PCDH15: variants seen among roughly 807,000 people sequenced by gnomAD.
PCDH15 encodes protocadherin-15.
A neutral mutation model predicts 178.5 loss-of-function variants in PCDH15; 129 were observed. The ratio of observed to expected loss-of-function variants is 0.72; its 90% CI spans 0.63 to 0.84. PCDH15 has a LOEUF of 0.84. Ranked by LOEUF, PCDH15 falls within the 40% of genes least tolerant of loss-of-function variation. The pLI is 0.00. For missense variants in PCDH15, 2,230 were observed against 2,099.9 expected, an observed-to-expected ratio of 1.06 and a Z score of -1.21; for synonymous variants, 800 against 732.0, an observed-to-expected ratio of 1.09 and a Z score of -1.50.
intron 2 of PCDH15, among the ~76,000 whole-genome samples, chr10:55,621,123 CCTA>C (rs1339911003): frequency 6.6e-6 from 1 of 151,848 alleles, no homozygotes; most frequent in Non-Finnish European, 1.5e-5. Context: ...TTTTTACTCT[CCTA>C]AGCATATTGG....
At chr10:54,774,910 GA>G (rs148462979) in intron 1 of PCDH15, among the ~76,000 whole-genome samples, 11,741 of 151,612 alleles carry the variant, frequency 0.077, 504 homozygotes, top group South Asian at 0.14. Flanking sequence ...TAATAAAGAA[GA>G]AAAAAAAGTG....
intron 23 of PCDH15, among the ~76,000 whole-genome samples, chr10:53,948,772 TAATG>T (rs2086778434): frequency 1.3e-5 from 2 of 152,212 alleles, no homozygotes; most frequent in Non-Finnish European, 2.9e-5. Context: ...TTCTCTGTGA[TAATG>T]AACAAAGTTT....
chr10:54,074,443 A>G (rs949817085), intron 17 of PCDH15, among the ~76,000 whole-genome samples: 1 of 152,154 alleles, frequency 6.6e-6, no homozygotes, highest in African/African-American at 2.4e-5. Flanking sequence ...AATCATATGG[A>G]ATTTAACATT....
chr10:54,183,530 C>A lies in PCDH15; in HGVS notation c.1504G>T (p.Ala502Ser). The stretch of plus-strand genomic sequence containing the variant: ...GGGAAGGTTGGCGTGTTATCATTTG[C>A]ATCCATCACTTGAATATTGACGATG... ...PVIVNIQVMDANDNTPTFPEI... is the reference protein window; with the variant it reads ...PVIVNIQVMDSNDNTPTFPEI... Residue 502 changes from alanine to serine, a missense_variant, in exon 13 of 38, where the codon GCA becomes TCA. Transcript: ENST00000644397. 1 of 1,613,942 alleles carries A rather than the reference C, an allele frequency of 6.2e-7. No individual in the cohort carries two copies. The highest frequency in any genetic ancestry group is 1.1e-5 in the South Asian group (1 of 91,082).
chr10:54,428,588 G>A lies in PCDH15; in HGVS notation c.158-49646C>T, dbSNP rs73251860. On this transcript the variant is annotated intron_variant, in intron 3 of 37. Transcript: ENST00000644397. ...CTCTTCCGTGCTTCCTTACAAGTGC[G>A]TCCCAGAAAACAAGTATTCATCTCA... Among the ~76,000 whole-genome samples the A allele has an allele frequency of 8.1e-3, 1,234 of 152,182 alleles. 17 individuals are homozygous for A. Among genetic ancestry groups the A allele is most frequent in the African/African-American group, 0.028 (1,163 of 41,528 alleles).
rs541280716 is a variant in PCDH15, at chr10:54,156,039, A to G, written c.1591-2746T>C. Reference sequence around the variant, plus strand: ...TGCTTCCTAAATGAAAAGGGCATTTATTTACATGGGGAGGCCAATATTTTG... The same window carrying G: ...TGCTTCCTAAATGAAAAGGGCATTTGTTTACATGGGGAGGCCAATATTTTG... On this transcript the variant is annotated intron_variant, in intron 13 of 37. Coordinates refer to ENST00000644397, the MANE Select transcript of PCDH15 (RefSeq NM_001384140.1). 1.2e-4 allele frequency among the ~76,000 whole-genome samples: 18 copies of G among 152,284 alleles called. No homozygotes were observed. The South Asian group carries it at 3.7e-3, about 32-fold the overall frequency.
chr10:54,094,823 A>T (rs1388635781), intron 15 of PCDH15, among the ~76,000 whole-genome samples: 1 of 152,194 alleles, frequency 6.6e-6, no homozygotes, highest in Admixed American at 6.6e-5. Flanking sequence ...TACTCTTTCC[A>T]GTCCACTCAA....
chr10:55,416,676 G>T (rs890975617), intron 2 of PCDH15, among the ~76,000 whole-genome samples: 3 of 151,698 alleles, frequency 2.0e-5, no homozygotes, highest in African/African-American at 7.3e-5. Flanking sequence ...TGGGACTCAA[G>T]ATCTTTTCTG....
At chr10:54,357,788 A>C (rs1945278190) in intron 5 of PCDH15, among the ~76,000 whole-genome samples, 1 of 152,138 alleles carries the variant, frequency 6.6e-6, no homozygotes, top group South Asian at 2.1e-4. Context: ...AGTAACCAAA[A>C]CAGCATGGTA....
chr10:54,501,708 A>T (rs1384661941), intron 3 of PCDH15, among the ~76,000 whole-genome samples: 1 of 152,118 alleles, frequency 6.6e-6, no homozygotes, highest in Non-Finnish European at 1.5e-5. Flanking sequence ...ATTTAAAGAT[A>T]TCCAATGCTA....
intron 2 of PCDH15, among the ~76,000 whole-genome samples, chr10:54,991,885 GTA>G (rs549816989): frequency 1.3e-4 from 20 of 152,072 alleles, no homozygotes; most frequent in Middle Eastern, 3.4e-3. Context: ...GGTGCTTTTA[GTA>G]TATATTTAAA....
intron 8 of PCDH15, among the ~76,000 whole-genome samples, chr10:54,253,023 G>A (rs1057021212): frequency 2.0e-5 from 3 of 151,884 alleles, no homozygotes; most frequent in Admixed American, 6.6e-5. Context: ...TGAATTATGG[G>A]AGTAAAATAA....
chr10:54,718,118 C>T lies in PCDH15; in HGVS notation c.-28-53828G>A, dbSNP rs372300264. 1.5e-4 allele frequency among the ~76,000 whole-genome samples: 21 copies of T among 140,720 alleles called. No individual in the cohort carries two copies. In the South Asian group the frequency reaches 3.1e-3, roughly 21 times the overall value. 92.3% of individuals were successfully genotyped at this position (140,720 alleles called of 152,430 possible). On this transcript the variant is annotated intron_variant, in intron 1 of 37. Transcript: ENST00000644397. ...ACACTCTGGGGACTGTTGTGGGGTG[C>T]GGGGAGAGGGGAGGGATAGCATTGG...
At chr10:55,006,199 C>T (rs1424794867) in intron 2 of PCDH15, among the ~76,000 whole-genome samples, 2 of 151,934 alleles carry the variant, frequency 1.3e-5, no homozygotes, top group African/African-American at 4.8e-5. Context: ...TCAATTTATA[C>T]CTCCAGTCTA....
rs1589194230 is a variant in PCDH15, at chr10:55,622,518, T to C, written c.-156+5107A>G. Among the ~76,000 whole-genome samples the C allele has an allele frequency of 5.9e-5, 9 of 152,148 alleles. No individual in the cohort carries two copies. In the South Asian group the frequency reaches 1.0e-3, roughly 18 times the overall value. On this transcript the variant is annotated intron_variant, in intron 2 of 5. Coordinates refer to the PCDH15 transcript ENST00000613346. ...AAAACATAGGCCAATATTTCTATTTTACCCAACTTTACTCAGCTGTAGGAT... is the reference window on the plus strand; with the variant it reads ...AAAACATAGGCCAATATTTCTATTTCACCCAACTTTACTCAGCTGTAGGAT...
rs201827556 is a variant in PCDH15 at position 54,821,082 on chromosome 10, G to C, written c.-29+76368C>G. 2.0e-5 allele frequency among the ~76,000 whole-genome samples: 3 copies of C among 151,690 alleles called. No homozygotes were observed. In the East Asian group the frequency reaches 5.8e-4, roughly 29 times the overall value. ...ACTTACCCAGTCTTGATTATTTCCA[G>C]AAAAAAAATTTTTAACAATTAAATA... On this transcript the variant is annotated intron_variant, in intron 3 of 5. Transcript: ENST00000458638.
At chr10:53,907,653 A>G (rs2133726828) in intron 25 of PCDH15, among the ~76,000 whole-genome samples, 1 of 152,254 alleles carries the variant, frequency 6.6e-6, no homozygotes, top group East Asian at 1.9e-4. Context: ...TTTTGGCTTT[A>G]GTAAGCCAGA....
intron 3 of PCDH15, among the ~76,000 whole-genome samples, chr10:54,412,723 G>A (rs1345887549): frequency 6.6e-6 from 1 of 152,044 alleles, no homozygotes; most frequent in Non-Finnish European, 1.5e-5. Context: ...TGTTTTTGTT[G>A]CTGTTGTTTC....
Position 55,612,435 on chromosome 10 carries a change from G to A in PCDH15, c.-156+15190C>T, listed in dbSNP as rs550059217. Among the ~76,000 whole-genome samples, 21 of 151,956 alleles carry A rather than the reference G, an allele frequency of 1.4e-4. No individual in the cohort carries two copies. In the South Asian group the frequency reaches 3.7e-3, roughly 27 times the overall value. ...GAATATGGCACGTCCAAAAGAATAC[G>A]TCATAAGAAGACAGGAAAGGGGGGA... On this transcript the variant is annotated intron_variant, in intron 2 of 5. Transcript: ENST00000613346.
Sources: allele counts gnomAD v4.1 joint callset (sites outside exome capture counted in the v4.1 genomes callset), GRCh38; gene constraint gnomAD v4.1.1; transcripts MANE v1.5; gene names NCBI Gene and HGNC (gene_info 2026-07-23, HGNC 2026-07-21).